Variants in KLHL10 observed in about 807,000 individuals in gnomAD.
The protein encoded by KLHL10 is kelch like family member 10.
KLHL10 carries 11 observed loss-of-function variants against 46.6 expected under a neutral mutation model. That is an observed-to-expected ratio of 0.24 (90% CI 0.15 to 0.39). The LOEUF is 0.39. Ranked by LOEUF, KLHL10 falls within the 10% of genes least tolerant of loss-of-function variation. The probability of loss-of-function intolerance (pLI) is 1.00; values close to 1 mark genes in which losing one functional copy is unlikely to be tolerated. For synonymous variants in KLHL10, 254 were observed against 279.1 expected (o/e 0.91, Z 0.90); for missense variants, 475 against 789.8 (o/e 0.60, Z 4.78).
At chr17:41,836,693 C>G (rs781922516), upstream of KLHL10, among the ~76,000 whole-genome samples, 1 of 152,036 alleles carries the variant, frequency 6.6e-6, no homozygotes, top group African/African-American at 2.4e-5. Context: ...CATGGTGACA[C>G]GCACCTGTTG....
intron 3 of KLHL10, among the ~76,000 whole-genome samples, chr17:41,846,254 G>C (rs1466402486): frequency 6.6e-6 from 1 of 151,972 alleles, no homozygotes; most frequent in Non-Finnish European, 1.5e-5. Context: ...TGGGCTCGGT[G>C]ACTCACGCCT....
Position 41,845,467 on chromosome 17 carries a change from T to G in KLHL10, c.1026T>G (p.Tyr342Ter). 6.2e-7 allele frequency: 1 copy of G among 1,614,222 alleles called. No homozygotes were observed. Among genetic ancestry groups the G allele is most frequent in the Non-Finnish European group, 8.5e-7 (1 of 1,180,042 alleles). The change falls in exon 3 of 5, where the codon TAT becomes TAG. Residue 342 changes from tyrosine to a stop codon, truncating the protein, a stop_gained. Coordinates refer to ENST00000293303, the MANE Select transcript of KLHL10 (RefSeq NM_152467.5). LOFTEE classifies it high-confidence loss of function. Reference protein sequence around the residue: ...HGAAYLKGYVYIIGGFDSVDY... With the variant: ...HGAAYLKGYV ...CAGCCTATTTGAAAGGCTATGTGTA[T>G]ATCATTGGGGGGTTTGATAGTGTAG...
Position 41,841,704 on chromosome 17 carries a change from TCTTCTTGTCCA to T in KLHL10, c.195-116_195-106del. The T allele has an allele frequency of 2.6e-6, 3 of 1,157,328 alleles. No individual in the cohort carries two copies. In the South Asian group the frequency reaches 3.8e-5, roughly 15 times the overall value. 71.7% of individuals were successfully genotyped at this position (1,157,328 alleles called of 1,614,324 possible). Reference sequence around the variant, plus strand: ...AAAGTCAGAGTTCTTGGAAAGGTGTTCTTCTTGTCCACTGTATATAGCACATGCCTGCACCC... The same window carrying T: ...AAAGTCAGAGTTCTTGGAAAGGTGTTCTGTATATAGCACATGCCTGCACCC... On this transcript the variant is annotated intron_variant, in intron 1 of 4. Coordinates refer to ENST00000293303, the MANE Select transcript of KLHL10 (RefSeq NM_152467.5).
chr17:41,848,164 A>G lies in KLHL10; in HGVS notation c.1684A>G (p.Ile562Val), dbSNP rs1032314893. 2 of 1,614,062 alleles carry G rather than the reference A, an allele frequency of 1.2e-6. No individual in the cohort carries two copies. The highest frequency in any genetic ancestry group is 2.7e-5 in the African/African-American group (2 of 74,930). Residue 562 changes from isoleucine to valine, a missense_variant, in exon 5 of 5, where the codon ATA (isoleucine) becomes GTA (valine). Ile to Val is a conservative substitution (Grantham distance 29). Coordinates refer to ENST00000293303, the MANE Select transcript of KLHL10 (RefSeq NM_152467.5). ...GTGGTATGATGCTCATGACATGAGTATATACCGCAGTGCTCTGAGCTGCTG... is the reference window on the plus strand; with the variant it reads ...GTGGTATGATGCTCATGACATGAGTGTATACCGCAGTGCTCTGAGCTGCTG... ...DEWYDAHDMS[I>V]YRSALSCCVV... is the part of the protein sequence containing the mutation.
Position 41,847,310 on chromosome 17 carries a change from AAGTGTATAACACTGAAAGTAATC to A in KLHL10, c.1357_1379del (p.Tyr453AspfsTer29). 1 of 1,614,054 alleles carries A rather than the reference AAGTGTATAACACTGAAAGTAATC, an allele frequency of 6.2e-7. No homozygotes were observed. The highest frequency in any genetic ancestry group is 8.5e-7 in the Non-Finnish European group (1 of 1,179,944). On this transcript the variant is annotated frameshift_variant, in exon 4 of 5. Transcript: ENST00000293303. LOFTEE classifies it high-confidence loss of function. ...GGAAACGAGTGCCTGTTCACAGCAG[AAGTGTATAACACTGAAAGTAATC>A]AGTGGACAGTCATAGCACCCATGAG...
At chr17:41,843,696 C>T (rs558629613) in intron 2 of KLHL10, among the ~76,000 whole-genome samples, 15 of 152,220 alleles carry the variant, frequency 9.9e-5, no homozygotes, top group African/African-American at 3.6e-4. Context: ...TGCCTTCTAT[C>T]TAGCTCATTC....
At chr17:41,835,997 C>T (rs917336884), upstream of KLHL10, 5 of 1,513,572 alleles carry the variant, frequency 3.3e-6, no homozygotes, top group African/African-American at 5.6e-5. Flanking sequence ...CCCTGCGCCA[C>T]GCTGGGCCCG....
At chr17:41,839,903 G>A (rs188131029) in intron 1 of KLHL10, among the ~76,000 whole-genome samples, 180 of 151,078 alleles carry the variant, frequency 1.2e-3, no homozygotes, top group African/African-American at 4.3e-3. Flanking sequence ...TTTTGAAATG[G>A]AGTTTTGTTC....
rs1555621209 is a variant in KLHL10 at position 41,845,311 on chromosome 17, T to C, written c.870T>C (p.Tyr290=). The change falls in exon 3 of 5, where the codon TAT becomes TAC. Residue 290 remains tyrosine (Y), a synonymous_variant. Coordinates refer to ENST00000293303, the MANE Select transcript of KLHL10 (RefSeq NM_152467.5). The part of the protein sequence containing the change: ...TNPLTRPRLP[Y]AILFAIGGWS... ...CACTCACCAGACCACGCTTGCCCTA[T>C]GCCATCCTCTTTGCAATTGGTGGCT... The C allele has an allele frequency of 6.2e-7, 1 of 1,614,110 alleles. No individual in the cohort carries two copies. Among genetic ancestry groups the C allele is most frequent in the African/African-American group, 1.3e-5 (1 of 74,938 alleles).
chr17:41,847,867 C>A (rs1380848244), intron 4 of KLHL10, 66 bp from the exon 5 acceptor site: 2 of 1,602,292 alleles, frequency 1.2e-6, no homozygotes, highest in East Asian at 2.2e-5. Flanking sequence ...GTACCCCCAA[C>A]AAGGGCTTCC....
chr17:41,845,313 C>A lies in KLHL10; in HGVS notation c.872C>A (p.Ala291Asp). 6.2e-7 allele frequency: 1 copy of A among 1,614,226 alleles called. No homozygotes were observed. Among genetic ancestry groups the A allele is most frequent in the African/African-American group, 1.3e-5 (1 of 75,064 alleles). The change falls in exon 3 of 5, where the codon GCC becomes GAC. Residue 291 changes from alanine to aspartate, a missense_variant. Coordinates refer to ENST00000293303, the MANE Select transcript of KLHL10 (RefSeq NM_152467.5). ...NPLTRPRLPY[A>D]ILFAIGGWSG... ...CTCACCAGACCACGCTTGCCCTATGCCATCCTCTTTGCAATTGGTGGCTGG... is the reference window on the plus strand; with the variant it reads ...CTCACCAGACCACGCTTGCCCTATGACATCCTCTTTGCAATTGGTGGCTGG...
rs375102751 is a variant in KLHL10 at position 41,842,809 on chromosome 17, T to C, written c.684+497T>C. Among the ~76,000 whole-genome samples the C allele has an allele frequency of 3.0e-3, 451 of 151,770 alleles. 5 individuals are homozygous for C. The highest frequency in any genetic ancestry group is 0.01 in the African/African-American group (429 of 41,370). On this transcript the variant is annotated intron_variant, in intron 2 of 4. Coordinates refer to ENST00000293303, the MANE Select transcript of KLHL10 (RefSeq NM_152467.5). The stretch of plus-strand genomic sequence containing the variant: ...AAAATTAGCTGGGCATGGTGGTGGG[T>C]GCCTGTAATCCAAGCTACTCAAGAG...
At position 41,847,299 on chromosome 17, in the gene KLHL10, G is replaced by T. The variant is rs1555621554; in HGVS notation, c.1341G>T (p.Leu447=). 1.2e-6 allele frequency: 2 copies of T among 1,614,008 alleles called. No homozygotes were observed. The highest frequency in any genetic ancestry group is 4.5e-5 in the East Asian group (2 of 44,860). ...ICGGFNGNEC[L]FTAEVYNTES... is the part of the protein sequence containing the mutation. ...GTGGGTTTAATGGAAACGAGTGCCT[G>T]TTCACAGCAGAAGTGTATAACACTG... is the stretch of plus-strand genomic sequence containing the variant. Residue 447 remains leucine (L), a synonymous_variant, in exon 4 of 5, where the codon CTG becomes CTT. Transcript: ENST00000293303.
chr17:41,838,095 A>G lies in KLHL10; in HGVS notation c.163A>G (p.Asn55Asp). The G allele has an allele frequency of 6.2e-7, 1 of 1,613,998 alleles. No homozygotes were observed. The highest frequency in any genetic ancestry group is 8.5e-7 in the Non-Finnish European group (1 of 1,179,994). Residue 55 changes from asparagine (N) to aspartate (D), a missense_variant, in exon 1 of 5, where the codon AAC (asparagine) becomes GAC (aspartate). By Grantham distance (23) the Asn-to-Asp change is conservative. Coordinates refer to ENST00000293303, the MANE Select transcript of KLHL10 (RefSeq NM_152467.5). The part of the protein sequence containing the change: ...VNGFEFSAHK[N>D]ILCSCSSYFR... ...TGGCTTTGAGTTCAGTGCCCATAAG[A>G]ACATCCTCTGTAGCTGCAGTTCCTA...
Position 41,837,882 on chromosome 17 carries a change from C to A in KLHL10, c.-51C>A, listed in dbSNP as rs1167256169. The A allele has an allele frequency of 6.2e-7, 1 of 1,610,452 alleles. No homozygotes were observed. The highest frequency in any genetic ancestry group is 8.5e-7 in the Non-Finnish European group (1 of 1,179,614). On this transcript the variant is annotated 5_prime_UTR_variant, in exon 1 of 5. Coordinates refer to ENST00000293303, the MANE Select transcript of KLHL10 (RefSeq NM_152467.5). ...AGCTGGCTAAAGGGGCCCCCCACAA[C>A]CCTCCCCGACACCCTAGGAAAGCAG...
chr17:41,847,668 G>A (rs951158959), intron 4 of KLHL10, among the ~76,000 whole-genome samples: 47 of 152,138 alleles, frequency 3.1e-4, no homozygotes, highest in African/African-American at 1.1e-3. Flanking sequence ...ACCATGCCCA[G>A]CTAATTTTTT....
At chr17:41,839,017 A>G (rs2048199872) in intron 1 of KLHL10, among the ~76,000 whole-genome samples, 1 of 151,452 alleles carries the variant, frequency 6.6e-6, no homozygotes, top group South Asian at 2.1e-4. Flanking sequence ...TTTAAGATGG[A>G]GTCTCGCTTT....
Position 41,841,859 on chromosome 17 carries a change from G to C in KLHL10, c.231G>C (p.Lys77Asn). Residue 77 changes from lysine to asparagine, a missense_variant, in exon 2 of 5, where the codon AAG becomes AAC. Physicochemically the swap from Lys to Asn is moderately conservative, Grantham distance 94. Transcript: ENST00000293303. ...CAAGTGGCTGGAACAACACTGAAAA[G>C]AAGGTATACAACATCCCTGGCATTT... is the stretch of plus-strand genomic sequence containing the variant. Reference protein sequence around the residue: ...LFTSGWNNTEKKVYNIPGISP... With the variant: ...LFTSGWNNTENKVYNIPGISP... 1.2e-6 allele frequency: 2 copies of C among 1,614,170 alleles called. No homozygotes were observed. The highest frequency in any genetic ancestry group is 1.7e-6 in the Non-Finnish European group (2 of 1,180,034).
chr17:41,846,005 T>TTC (rs1555621374), intron 3 of KLHL10, among the ~76,000 whole-genome samples: 1 of 145,166 alleles, frequency 6.9e-6, no homozygotes, highest in African/African-American at 2.6e-5. Context: ...AGGTCAGGAG[T>TTC]TCAAGACCAG....
Sources: allele counts gnomAD v4.1 joint callset (sites outside exome capture counted in the v4.1 genomes callset), GRCh38; gene constraint gnomAD v4.1.1; transcripts MANE v1.5; gene names NCBI Gene and HGNC (gene_info 2026-07-23, HGNC 2026-07-21).